The following ZFHX3 variants were observed in gnomAD, a reference collection of about 807,000 sequenced individuals.
ZFHX3 encodes the protein zinc finger homeobox 3.
In ZFHX3, 42 loss-of-function variants were observed where a neutral mutation model predicts 279.1. That is an observed-to-expected ratio of 0.15 (90% CI 0.12 to 0.19). ZFHX3 has a LOEUF of 0.19. ZFHX3 is among the 10% of genes least tolerant of loss of function. ZFHX3 has a pLI of 1.00. For missense variants in ZFHX3, 4,981 were observed against 4,754.0 expected (o/e 1.05, Z -1.40); for synonymous variants, 2,293 against 1,957.8 (o/e 1.17, Z -4.52).
chr16:73,392,706 C>T (rs1173252231), intron 3 of ZFHX3, among the ~76,000 whole-genome samples: 2 of 152,098 alleles, frequency 1.3e-5, no homozygotes, highest in Non-Finnish European at 2.9e-5. Flanking sequence ...TTGATTTCAC[C>T]ACGAGTTCCT....
chr16:73,565,603 G>A (rs1445842191), intron 2 of ZFHX3, among the ~76,000 whole-genome samples: 5 of 152,138 alleles, frequency 3.3e-5, no homozygotes, highest in African/African-American at 4.8e-5. Flanking sequence ...AGCTAGTCTC[G>A]TGTTCTAAAT....
intron 5 of ZFHX3, among the ~76,000 whole-genome samples, chr16:73,255,112 G>T (rs994202622): frequency 3.3e-5 from 5 of 152,178 alleles, no homozygotes; most frequent in African/African-American, 1.2e-4. Context: ...AGAATATCCA[G>T]ATCAGTCCTG....
At chr16:73,885,060 C>T (rs1287613963) in intron 1 of ZFHX3, among the ~76,000 whole-genome samples, 8 of 152,150 alleles carry the variant, frequency 5.3e-5, no homozygotes, top group Admixed American at 1.3e-4. Flanking sequence ...CCACCCAGAC[C>T]CTCCCTCTTT....
intron 3 of ZFHX3, among the ~76,000 whole-genome samples, chr16:73,329,031 T>C (rs1307386794): frequency 6.6e-6 from 1 of 152,248 alleles, no homozygotes; most frequent in Non-Finnish European, 1.5e-5. Context: ...CACAGGTACA[T>C]TCAGTTCAGA....
chr16:73,345,667 T>A lies in ZFHX3; in HGVS notation c.-1290-27331A>T, dbSNP rs115784797. 4.7e-3 allele frequency among the ~76,000 whole-genome samples: 714 copies of A among 152,300 alleles called. 4 individuals carry two copies. The highest frequency in any genetic ancestry group is 0.016 in the African/African-American group (684 of 41,572). On this transcript the variant is annotated intron_variant, in intron 3 of 17. Coordinates refer to the ZFHX3 transcript ENST00000641206. ...GATGGGCATTTGGGTTGATTCCATG[T>A]CTTGGATATTGTGAGTAGTGCTGCA...
At chr16:73,287,519 C>A (rs1398000294) in intron 4 of ZFHX3, among the ~76,000 whole-genome samples, 2 of 81,938 alleles carry the variant, frequency 2.4e-5, no homozygotes, top group Non-Finnish European at 4.7e-5. Flanking sequence ...GTGATGTGTG[C>A]ATGTGTGGCT....
intron 1 of ZFHX3, among the ~76,000 whole-genome samples, chr16:73,863,486 T>A (rs1310983749): frequency 6.6e-6 from 1 of 152,094 alleles, no homozygotes; most frequent in Non-Finnish European, 1.5e-5. Flanking sequence ...AGGGAGATAG[T>A]CTTCACACAG....
chr16:73,391,999 A>T (rs2143400262), intron 3 of ZFHX3, among the ~76,000 whole-genome samples: 1 of 152,334 alleles, frequency 6.6e-6, no homozygotes, highest in East Asian at 1.9e-4. Context: ...GATAAAAATG[A>T]CAATATCACG....
chr16:73,086,667 CTGAGG>C (rs1159664204), intron 8 of ZFHX3, among the ~76,000 whole-genome samples: 1 of 152,126 alleles, frequency 6.6e-6, no homozygotes, highest in Non-Finnish European at 1.5e-5. Flanking sequence ...CTTTGGGAAG[CTGAGG>C]CAGGGAGATT....
intron 7 of ZFHX3, among the ~76,000 whole-genome samples, chr16:73,101,535 C>T (rs188381599): frequency 6.6e-5 from 10 of 152,018 alleles, no homozygotes; most frequent in East Asian, 1.9e-4. Context: ...AGCGCCACCA[C>T]GCCCAGCTAA....
At chr16:73,055,857 C>T (rs1290864285) in intron 1 of ZFHX3, among the ~76,000 whole-genome samples, 3 of 151,900 alleles carry the variant, frequency 2.0e-5, no homozygotes, top group African/African-American at 7.2e-5. Flanking sequence ...TACACACACA[C>T]ACACACACAC....
rs1597325945 is a variant in ZFHX3, at chr16:73,415,146, A to C, written c.-1291+40857T>G. On this transcript the variant is annotated intron_variant, in intron 3 of 17. Transcript: ENST00000641206. ...TTTTTTATTTTATTTTTTTAAAATA[A>C]TGACCGATGTTCTAAAATCAGCTAG... Among the ~76,000 whole-genome samples, 3 of 152,320 alleles carry C rather than the reference A, an allele frequency of 2.0e-5. 1 individual carries two copies. The South Asian group carries it at 6.2e-4, about 32-fold the overall frequency.
chr16:73,473,371 A>AAAAAAAAAAAAAAAAAAAAAC (rs2018709703), intron 2 of ZFHX3, among the ~76,000 whole-genome samples: 1 of 150,610 alleles, frequency 6.6e-6, no homozygotes, highest in African/African-American at 2.5e-5. Flanking sequence ...AAAAAAAAAA[A>AAAAAAAAAAAAAAAAAAAAAC]ACAAAATAAT....
chr16:73,656,789 T>C (rs2052725526), intron 2 of ZFHX3, among the ~76,000 whole-genome samples: 1 of 152,194 alleles, frequency 6.6e-6, no homozygotes, highest in Non-Finnish European at 1.5e-5. Flanking sequence ...AAAATAACAA[T>C]AGACTCAAGT....
At chr16:73,609,248 T>G (rs374684305) in intron 2 of ZFHX3, 45 of 152,346 alleles carry the variant, frequency 3.0e-4, no homozygotes, top group Middle Eastern at 3.4e-3. Flanking sequence ...ATCATTTGAT[T>G]TCTGCATCGT....
chr16:73,239,492 C>T (rs1242100270), intron 5 of ZFHX3, among the ~76,000 whole-genome samples: 1 of 152,222 alleles, frequency 6.6e-6, no homozygotes, highest in Non-Finnish European at 1.5e-5. Context: ...GTTCTTCTCT[C>T]TGCCATTTCT....
At chr16:73,319,410 C>A (rs1403639638) in intron 3 of ZFHX3, among the ~76,000 whole-genome samples, 1 of 152,036 alleles carries the variant, frequency 6.6e-6, no homozygotes, top group Non-Finnish European at 1.5e-5. Context: ...GAAGGAGAAT[C>A]CACATCTTTA....
chr16:73,783,715 A>T (rs1405291534), intron 1 of ZFHX3, among the ~76,000 whole-genome samples: 1 of 152,212 alleles, frequency 6.6e-6, no homozygotes, highest in Non-Finnish European at 1.5e-5. Flanking sequence ...AGTGGTAAGG[A>T]CTTTATATGG....
chr16:72,946,849 C>T (rs1410096638), intron 3 of ZFHX3, among the ~76,000 whole-genome samples: 3 of 152,142 alleles, frequency 2.0e-5, no homozygotes, highest in African/African-American at 4.8e-5. Context: ...AGGAGTGATA[C>T]ATTTACATGT....
Sources: gnomAD v4.1 joint callset for allele counts (sites outside exome capture counted in the v4.1 genomes callset) on GRCh38, gnomAD v4.1.1 for gene constraint, MANE v1.5 for transcripts, NCBI Gene and HGNC (gene_info 2026-07-23, HGNC 2026-07-21) for gene names.